Variants in GNG7 observed in about 807,000 individuals in gnomAD.
GNG7 encodes the protein G protein subunit gamma 7, also known as guanine nucleotide-binding protein G(I)/G(S)/G(O) subunit gamma-7.
Under a neutral mutation model 4.0 loss-of-function variants are expected in GNG7, and 1 was observed. That is an observed-to-expected ratio of 0.25 (90% CI 0.09 to 1.18). The LOEUF (loss-of-function observed/expected upper bound fraction) is 1.18, where lower values mean the gene tolerates loss of function less well. Ranked by LOEUF, GNG7 falls within the 50% of genes most tolerant of loss-of-function variation. GNG7 has a pLI of 0.50. For synonymous variants in GNG7, 34 were observed against 36.9 expected, an observed-to-expected ratio of 0.92 and a Z score of 0.29; for missense variants, 86 against 91.9, an observed-to-expected ratio of 0.94 and a Z score of 0.26.
At chr19:2,538,515 C>T (rs1289192732) in intron 3 of GNG7, 1 of 346,970 alleles carries the variant, frequency 2.9e-6, no homozygotes, top group Non-Finnish European at 5.6e-6. Flanking sequence ...CCTGTAGTTC[C>T]AGCTACCCGG....
chr19:2,537,056 C>T (rs992950451), intron 3 of GNG7, among the ~76,000 whole-genome samples: 7 of 151,668 alleles, frequency 4.6e-5, no homozygotes, highest in Non-Finnish European at 1.0e-4. Context: ...ACGCCATTCT[C>T]CTGCCTCAGC....
At position 2,557,467 on chromosome 19, in the gene GNG7, G is replaced by C. The variant is rs1979601854; in HGVS notation, c.-77-2279C>G. Among the ~76,000 whole-genome samples the C allele has an allele frequency of 1.3e-5, 2 of 152,200 alleles. No individual in the cohort carries two copies. On this transcript the variant is annotated intron_variant, in intron 2 of 4. Coordinates refer to ENST00000382159, the MANE Select transcript of GNG7 (RefSeq NM_052847.3). The surrounding 1 kb of genome is among the most constrained non-coding windows in gnomAD (Gnocchi z 5.1). ...ACATGCACAGACTCAAGAAACGAGG[G>C]GCTGCAGGACTTTTCCTCCTCCTGC... is the stretch of plus-strand genomic sequence containing the variant.
intron 2 of GNG7, among the ~76,000 whole-genome samples, chr19:2,604,786 C>T (rs1211338408): frequency 6.6e-6 from 1 of 152,086 alleles, no homozygotes; most frequent in Non-Finnish European, 1.5e-5. Flanking sequence ...TGTTTGAATG[C>T]TTTTCCCAGA....
rs1341443097 is a variant in GNG7, at chr19:2,513,618, C to G, written c.*1404G>C. The G allele has an allele frequency of 6.1e-6, 6 of 980,976 alleles. No homozygotes were observed. The highest frequency in any genetic ancestry group is 1.8e-5 in the African/African-American group (1 of 57,140). The allele number at this position is 980,976 out of a possible 1,614,324, so 60.8% of individuals were successfully genotyped here. A position where few individuals can be genotyped will look rare whatever the true frequency, so the allele number is the denominator to read the frequency against. ...GGCCTCAGACAGCCGTCCTGGGTTG[C>G]ACGGGGGTGGAAAAGCAAAAAGATC... On this transcript the variant is annotated 3_prime_UTR_variant, in exon 5 of 5. Transcript: ENST00000382159.
chr19:2,604,345 G>A (rs1017140021), intron 2 of GNG7, among the ~76,000 whole-genome samples: 1 of 151,590 alleles, frequency 6.6e-6, no homozygotes, highest in Admixed American at 6.6e-5. Flanking sequence ...GGTGGCGTGT[G>A]CTTGTGGTCC....
chr19:2,553,754 T>C lies in GNG7; in HGVS notation c.-38+1395A>G, dbSNP rs539385063. Among the ~76,000 whole-genome samples the C allele has an allele frequency of 1.0e-3, 149 of 148,956 alleles. 1 individual carries two copies. The highest frequency in any genetic ancestry group is 1.2e-3 in the Non-Finnish European group (79 of 67,440). On this transcript the variant is annotated intron_variant, in intron 3 of 4. Transcript: ENST00000382159. ...CATATTACATGCAATATATTACATATATGCACATATTGCATGTAATGTTAT... is the reference window on the plus strand; with the variant it reads ...CATATTACATGCAATATATTACATACATGCACATATTGCATGTAATGTTAT...
At chr19:2,673,263 AAAAAC>A (rs1269636984) in intron 1 of GNG7, among the ~76,000 whole-genome samples, 32 of 145,802 alleles carry the variant, frequency 2.2e-4, no homozygotes, top group African/African-American at 2.9e-4. Context: ...ATCTCAAAAA[AAAAAC>A]AAAACAAAAC....
intron 3 of GNG7, among the ~76,000 whole-genome samples, chr19:2,542,711 T>C (rs2144749103): frequency 6.6e-6 from 1 of 152,186 alleles, no homozygotes; most frequent in South Asian, 2.1e-4. Flanking sequence ...AAGGAGCTGA[T>C]ACGCAAGGCC....
chr19:2,568,954 C>T (rs997170067), intron 2 of GNG7, among the ~76,000 whole-genome samples: 21 of 149,374 alleles, frequency 1.4e-4, no homozygotes, highest in Non-Finnish European at 1.9e-4. Context: ...CACAAATATA[C>T]GCATACAGAT....
chr19:2,552,855 C>A lies in GNG7; in HGVS notation c.-38+2294G>T, dbSNP rs558337624. Among the ~76,000 whole-genome samples the A allele has an allele frequency of 3.0e-5, 4 of 134,178 alleles. 1 individual carries two copies. Among genetic ancestry groups the A allele is most frequent in the Admixed American group, 2.4e-4 (3 of 12,678 alleles). 88.0% of individuals were successfully genotyped at this position (134,178 alleles called of 152,430 possible). On this transcript the variant is annotated intron_variant, in intron 3 of 4. Coordinates refer to ENST00000382159, the MANE Select transcript of GNG7 (RefSeq NM_052847.3). ...CCAAACCATCCTCCCGGCTCCACCC[C>A]CCCCACCTCCCCACTGTCTGTGGAA...
chr19:2,612,435 C>T (rs1002721614), intron 2 of GNG7, among the ~76,000 whole-genome samples: 10 of 152,042 alleles, frequency 6.6e-5, no homozygotes, highest in Admixed American at 5.2e-4. Flanking sequence ...GTGTCTGGGA[C>T]CTGGGCATTT....
intron 2 of GNG7, among the ~76,000 whole-genome samples, chr19:2,608,432 G>T (rs901000372): frequency 6.6e-6 from 1 of 152,174 alleles, no homozygotes; most frequent in African/African-American, 2.4e-5. Context: ...GCCCCAGCAG[G>T]CACACTGACG....
At chr19:2,621,832 C>T (rs879129597) in intron 2 of GNG7, among the ~76,000 whole-genome samples, 1 of 152,234 alleles carries the variant, frequency 6.6e-6, no homozygotes, top group African/African-American at 2.4e-5. Flanking sequence ...CCAGAGGACG[C>T]GGAAGGATCC....
chr19:2,690,594 C>T (rs1046595785), intron 1 of GNG7, among the ~76,000 whole-genome samples: 3 of 146,874 alleles, frequency 2.0e-5, no homozygotes, highest in African/African-American at 7.5e-5. Flanking sequence ...TGGCTCAGGT[C>T]TTTTTTTTTT....
At chr19:2,587,341 C>T (rs1337114745) in intron 2 of GNG7, among the ~76,000 whole-genome samples, 2 of 152,220 alleles carry the variant, frequency 1.3e-5, no homozygotes, top group African/African-American at 2.4e-5. Context: ...GTTGCTTCCT[C>T]TGCCGGGGAA....
chr19:2,564,188 G>A (rs1979831490), intron 2 of GNG7, among the ~76,000 whole-genome samples: 1 of 152,182 alleles, frequency 6.6e-6, no homozygotes, highest in South Asian at 2.1e-4. Flanking sequence ...TCTCAGAGAT[G>A]GGGTCTCTGC....
intron 4 of GNG7, among the ~76,000 whole-genome samples, chr19:2,517,750 G>A (rs528022841): frequency 3.3e-4 from 50 of 152,278 alleles, no homozygotes; most frequent in Middle Eastern, 3.4e-3. Flanking sequence ...AGGCTCAGGC[G>A]ACCCTCCCGC....
At chr19:2,684,528 C>A (rs1599461320) in intron 1 of GNG7, among the ~76,000 whole-genome samples, 3 of 152,070 alleles carry the variant, frequency 2.0e-5, no homozygotes, top group Admixed American at 6.6e-5. Flanking sequence ...CCATACACAC[C>A]CCGGAGTATG....
intron 2 of GNG7, among the ~76,000 whole-genome samples, chr19:2,612,475 G>A (rs977746896): frequency 6.6e-6 from 1 of 152,116 alleles, no homozygotes; most frequent in Non-Finnish European, 1.5e-5. Context: ...CTGGGAGAGG[G>A]GAGGGGCCTC....
Sources: gnomAD v4.1 joint callset for allele counts (sites outside exome capture counted in the v4.1 genomes callset) on GRCh38, gnomAD v4.1.1 for gene constraint, Gnocchi (gnomAD v3.1) non-coding constraint, MANE v1.5 for transcripts, NCBI Gene and HGNC (gene_info 2026-07-23, HGNC 2026-07-21) for gene names.